SNX18: variants seen among roughly 807,000 people sequenced by gnomAD.
SNX18 encodes sorting nexin-18.
SNX18 carries 35 observed loss-of-function variants against 48.7 expected under a neutral mutation model. That is an observed-to-expected ratio of 0.72 (90% confidence interval 0.55 to 0.95). The LOEUF (loss-of-function observed/expected upper bound fraction) is 0.95. Ranked by LOEUF, SNX18 falls within the 40% of genes least tolerant of loss-of-function variation. The pLI, the probability that SNX18 is intolerant of heterozygous loss-of-function variation, is 0.00. For missense variants in SNX18, 824 were observed against 871.0 expected (o/e 0.95, Z 0.68); for synonymous variants, 492 against 384.7 (o/e 1.28, Z -3.26).
chr5:54,609,888 G>A, the SNX18 span, among the ~76,000 whole-genome samples: 1 of 152,042 alleles, frequency 6.6e-6, no homozygotes, highest in African/African-American at 2.4e-5. Context: ...TCACATGAAT[G>A]GTTTAGCATC....
the SNX18 span, among the ~76,000 whole-genome samples, chr5:54,605,121 A>T: frequency 1.3e-5 from 2 of 152,180 alleles, no homozygotes; most frequent in African/African-American, 4.8e-5. Flanking sequence ...GACTTTTTCC[A>T]GTCAGCATGA....
the SNX18 span, among the ~76,000 whole-genome samples, chr5:54,614,679 T>C: frequency 6.6e-6 from 1 of 152,062 alleles, no homozygotes; most frequent in Non-Finnish European, 1.5e-5. Flanking sequence ...CCAGTCGTGG[T>C]GGTGTGTGCC....
the SNX18 span, among the ~76,000 whole-genome samples, chr5:54,609,833 G>A: frequency 6.6e-6 from 1 of 151,558 alleles, no homozygotes; most frequent in Non-Finnish European, 1.5e-5. Flanking sequence ...GAGCGTGGTG[G>A]GAGGTGGAGC....
the SNX18 span, among the ~76,000 whole-genome samples, chr5:54,601,293 T>A: frequency 1.3e-5 from 2 of 152,326 alleles, no homozygotes; most frequent in African/African-American, 4.8e-5. Flanking sequence ...ACTGATTCTA[T>A]CTAGTCCTCT....
the SNX18 span, among the ~76,000 whole-genome samples, chr5:54,573,118 C>T: frequency 6.6e-6 from 1 of 152,000 alleles, no homozygotes; most frequent in Non-Finnish European, 1.5e-5. Context: ...CCAAATTTCA[C>T]TTTAAAGATA....
At chr5:54,526,787 A>G (rs769493740) in intron 1 of SNX18, among the ~76,000 whole-genome samples, 1 of 152,138 alleles carries the variant, frequency 6.6e-6, no homozygotes, top group Non-Finnish European at 1.5e-5. Flanking sequence ...GTTTTGATGT[A>G]TGTTGGAGTT....
Position 54,518,361 on chromosome 5 carries a change from C to A in SNX18, c.409C>A (p.Pro137Thr). The A allele has an allele frequency of 6.4e-7, 1 of 1,550,442 alleles. No homozygotes were observed. Among genetic ancestry groups the A allele is most frequent in the Admixed American group, 1.9e-5 (1 of 52,150 alleles). ...CGGCGGGGGCGCCCTGCAGCCGTCG[C>A]CTCAGCAGCTCTACGGCGGCTACCA... The part of the protein sequence containing the change: ...PYGGGALQPS[P>T]QQLYGGYQAS... Residue 137 changes from proline to threonine, a missense_variant, in exon 1 of 2, where the codon CCT (proline) becomes ACT (threonine). By Grantham distance (38) the Pro-to-Thr change is conservative (BLOSUM62 -1). Around this residue, in one of 3 missense-constraint regions of SNX18, gnomAD observed 377 missense variants for 350.6 expected, o/e 1.08. Coordinates refer to ENST00000381410, the MANE Select transcript of SNX18 (RefSeq NM_001102575.2).
At chr5:54,634,965 T>C in the SNX18 span, among the ~76,000 whole-genome samples, 3 of 152,122 alleles carry the variant, frequency 2.0e-5, no homozygotes, top group Admixed American at 6.5e-5. Flanking sequence ...CTACAAGCTA[T>C]TGAACTTACA....
downstream of SNX18, among the ~76,000 whole-genome samples, chr5:54,548,102 A>G (rs1762602960): frequency 6.6e-6 from 1 of 152,122 alleles, no homozygotes; most frequent in Non-Finnish European, 1.5e-5. Flanking sequence ...CAGGGATCAC[A>G]AGTCCTCCCT....
the SNX18 span, among the ~76,000 whole-genome samples, chr5:54,565,471 G>C: frequency 6.6e-6 from 1 of 152,122 alleles, no homozygotes; most frequent in Non-Finnish European, 1.5e-5. Context: ...TACTGGGGAG[G>C]TTGAGGTGGG....
chr5:54,529,845 T>G (rs1318799755), intron 1 of SNX18, among the ~76,000 whole-genome samples: 1 of 152,210 alleles, frequency 6.6e-6, no homozygotes, highest in African/African-American at 2.4e-5. Flanking sequence ...TAGCTGATAA[T>G]GCTGAAAAAT....
At chr5:54,539,768 A>T (rs1034702929) in intron 1 of SNX18, among the ~76,000 whole-genome samples, 7 of 152,062 alleles carry the variant, frequency 4.6e-5, no homozygotes, top group African/African-American at 1.7e-4. Flanking sequence ...AAATAGCAAC[A>T]TTTTGTGTTA....
At chr5:54,586,020 A>C in the SNX18 span, among the ~76,000 whole-genome samples, 1 of 151,846 alleles carries the variant, frequency 6.6e-6, no homozygotes, top group African/African-American at 2.4e-5. Context: ...AAAAAAAAAA[A>C]ATACTCCTTC....
rs1050920542 is a variant in SNX18, at chr5:54,518,570, C to G, written c.618C>G (p.Arg206=). The change falls in exon 1 of 2, where the codon CGC becomes CGG. Residue 206 remains arginine, a synonymous_variant. Transcript: ENST00000381410. ...GCTCCGACCTGTCCCTGGGTTCCCG[C>G]GGCGGCTCGGTCCCCCCGCAGCACC... ...STRSDLSLGS[R]GGSVPPQHHP... is the part of the protein sequence containing the mutation. The G allele has an allele frequency of 5.7e-6, 9 of 1,579,614 alleles. No homozygotes were observed. Among genetic ancestry groups the G allele is most frequent in the South Asian group, 2.3e-5 (2 of 86,100 alleles).
the SNX18 span, among the ~76,000 whole-genome samples, chr5:54,591,167 G>T: frequency 5.2e-5 from 1 of 19,322 alleles, no homozygotes; most frequent in South Asian, 4.5e-3. Flanking sequence ...TTTGTTTTTT[G>T]GGTTTTTTTT....
chr5:54,535,870 G>A (rs941426421), intron 1 of SNX18, among the ~76,000 whole-genome samples: 2 of 152,204 alleles, frequency 1.3e-5, no homozygotes, highest in East Asian at 1.9e-4. Context: ...CTCCAGGACT[G>A]GAGTGTGGGA....
the SNX18 span, among the ~76,000 whole-genome samples, chr5:54,621,892 G>A: frequency 1.6e-3 from 247 of 152,234 alleles, no homozygotes; most frequent in African/African-American, 5.7e-3. Context: ...TATTCACCCT[G>A]ACTTTTACTG....
the SNX18 span, among the ~76,000 whole-genome samples, chr5:54,573,753 A>T: frequency 6.6e-6 from 1 of 152,224 alleles, no homozygotes; most frequent in Non-Finnish European, 1.5e-5. Flanking sequence ...GTATTGTGGC[A>T]GTAGGCCTGG....
In SNX18 at chr5:54,544,627, A is replaced by ATTG. The variant is rs562409781; in HGVS notation, c.*1196_*1198dup. On this transcript the variant is annotated 3_prime_UTR_variant, in exon 2 of 2. Coordinates refer to ENST00000381410, the MANE Select transcript of SNX18 (RefSeq NM_001102575.2). ...ACTATGTTTTAAAAAAAAAAAAGGTATTGATGAGCCCCCCCCCCCCAGGAC... is the reference window on the plus strand; with the variant it reads ...ACTATGTTTTAAAAAAAAAAAAGGTATTGTTGATGAGCCCCCCCCCCCCAGGAC... The ATTG allele has an allele frequency of 3.9e-4, 30 of 76,782 alleles. No individual in the cohort carries two copies. Among genetic ancestry groups the ATTG allele is most frequent in the African/African-American group, 1.3e-3 (28 of 21,976 alleles). The allele number at this position is 76,782 out of a possible 1,614,324, so 4.8% of individuals were successfully genotyped here.
Sources: gnomAD v4.1 joint callset for allele counts (sites outside exome capture counted in the v4.1 genomes callset) on GRCh38, gnomAD v4.1.1 for gene constraint, gnomAD v4.1.1 regional missense constraint, MANE v1.5 for transcripts, NCBI Gene and HGNC (gene_info 2026-07-23, HGNC 2026-07-21) for gene names.